The following LMF1 variants were observed in gnomAD, a reference collection of about 807,000 sequenced individuals.
The protein encoded by LMF1 is lipase maturation factor 1, also known as transmembrane protein 112.
LMF1 carries 68 observed loss-of-function variants against 60.6 expected under a neutral mutation model. The observed-to-expected ratio is 1.12, with a 90% CI of 0.92 to 1.37. The LOEUF (loss-of-function observed/expected upper bound fraction) is 1.37, where lower values mean the gene tolerates loss of function less well. Among genes scored for constraint, LMF1 ranks in the 40% most tolerant of loss-of-function variants. The probability of loss-of-function intolerance (pLI) is 0.00; values close to 1 mark genes in which losing one functional copy is unlikely to be tolerated. For missense variants in LMF1, 948 were observed against 767.2 expected, an observed-to-expected ratio of 1.24 and a Z score of -2.78; for synonymous variants, 418 against 324.7, an observed-to-expected ratio of 1.29 and a Z score of -3.09.
intron 4 of LMF1, chr16:893,460 G>C (rs572334687): frequency 2.1e-4 from 94 of 452,944 alleles, no homozygotes; most frequent in African/African-American, 1.8e-3. Context: ...AGTGCCTCCA[G>C]GATGAGCCCA....
upstream of LMF1, chr16:971,136 T>C: frequency 1.4e-6 from 1 of 717,262 alleles, no homozygotes; most frequent in Non-Finnish European, 2.0e-6. Flanking sequence ...CACCGCCCCC[T>C]CCAGCCGGCC....
chr16:899,850 A>G (rs551401272), intron 4 of LMF1: 1 of 152,012 alleles, frequency 6.6e-6, no homozygotes, highest in Non-Finnish European at 1.5e-5. Context: ...CTTCCTTCCG[A>G]CCCCACGAGG....
chr16:923,301 G>C (rs1293570868), intron 3 of LMF1, among the ~76,000 whole-genome samples: 1 of 152,126 alleles, frequency 6.6e-6, no homozygotes, highest in Non-Finnish European at 1.5e-5. Flanking sequence ...GGCCTACGAG[G>C]GTCCCCAGCT....
intron 3 of LMF1, among the ~76,000 whole-genome samples, chr16:925,887 G>A (rs550807314): frequency 6.6e-6 from 1 of 152,390 alleles, no homozygotes; most frequent in African/African-American, 2.4e-5. Context: ...TCCTGTATGT[G>A]CATCTGCATG....
intron 5 of LMF1, among the ~76,000 whole-genome samples, chr16:886,351 A>T (rs2070305950): frequency 6.6e-6 from 1 of 152,132 alleles, no homozygotes; most frequent in South Asian, 2.1e-4. Flanking sequence ...TGTCCCTGGC[A>T]AGAGGACCCC....
At chr16:938,188 T>G (rs1483701887) in intron 2 of LMF1, among the ~76,000 whole-genome samples, 2 of 152,336 alleles carry the variant, frequency 1.3e-5, no homozygotes, top group East Asian at 3.9e-4. Context: ...CAGCTAGCAC[T>G]GGCAAGGCCG....
At chr16:861,786 C>T (rs924912695) in intron 10 of LMF1, among the ~76,000 whole-genome samples, 18 of 152,278 alleles carry the variant, frequency 1.2e-4, no homozygotes, top group African/African-American at 4.1e-4. Context: ...CCTTGTCCTG[C>T]GTACTGCAGT....
At chr16:881,553 G>A (rs937883882) in intron 5 of LMF1, 13 of 152,186 alleles carry the variant, frequency 8.5e-5, no homozygotes, top group African/African-American at 3.1e-4. Flanking sequence ...AGAGTGAAGG[G>A]GATGACACCT....
At chr16:872,378 G>A (rs149690406) in intron 6 of LMF1, 5 of 152,242 alleles carry the variant, frequency 3.3e-5, no homozygotes, top group African/African-American at 1.2e-4. Context: ...CAGTGTTATG[G>A]GCGATGATGG....
At chr16:972,576 G>A (rs72769443), upstream of LMF1, among the ~76,000 whole-genome samples, 3,986 of 152,300 alleles carry the variant, frequency 0.026, 116 homozygotes, top group African/African-American at 0.073. Context: ...CCTGCAGAGC[G>A]GGCCCTGTCT....
chr16:886,288 C>T (rs538403376), intron 5 of LMF1, among the ~76,000 whole-genome samples: 3 of 152,148 alleles, frequency 2.0e-5, no homozygotes, highest in Non-Finnish European at 4.4e-5. Flanking sequence ...GGTAGAACAG[C>T]CGTGAGCACT....
chr16:913,620 A>G (rs1033416962), intron 3 of LMF1, among the ~76,000 whole-genome samples: 2 of 152,252 alleles, frequency 1.3e-5, no homozygotes, highest in South Asian at 2.1e-4. Context: ...GCAGATCCAC[A>G]GCCAGGCTGG....
chr16:950,365 G>A (rs1249084032), intron 2 of LMF1, among the ~76,000 whole-genome samples: 1 of 112,540 alleles, frequency 8.9e-6, no homozygotes, highest in Non-Finnish European at 1.7e-5. Flanking sequence ...GACAGAGTCA[G>A]GCCAACGACA....
intron 5 of LMF1, among the ~76,000 whole-genome samples, chr16:885,435 G>C (rs1277436166): frequency 6.6e-6 from 1 of 152,170 alleles, no homozygotes; most frequent in Non-Finnish European, 1.5e-5. Context: ...CCCAGATAAA[G>C]GGCAGGACTT....
At position 870,021 on chromosome 16, in the gene LMF1, G is replaced by C; in HGVS notation, c.1278C>G (p.Ser426Arg). The C allele has an allele frequency of 6.2e-7, 1 of 1,612,494 alleles. No homozygotes were observed. Among genetic ancestry groups the C allele is most frequent in the South Asian group, 1.1e-5 (1 of 91,076 alleles). The change falls in exon 9 of 11, where the codon AGC becomes AGG. Residue 426 changes from serine (S) to arginine (R), a missense_variant. Physicochemically the swap from Ser to Arg is moderately radical, Grantham distance 110. Transcript: ENST00000262301. Reference sequence around the variant, plus strand: ...TGGCATCGGGGGCGCTGGCGTTGGAGCTGGCTGTGCCCTGCAGGATCACCT... The same window carrying C: ...TGGCATCGGGGGCGCTGGCGTTGGACCTGGCTGTGCCCTGCAGGATCACCT... ...RAEVILQGTA[S>R]SNASAPDAMW...
At chr16:958,024 T>G (rs2072744354) in intron 1 of LMF1, among the ~76,000 whole-genome samples, 1 of 152,212 alleles carries the variant, frequency 6.6e-6, no homozygotes, top group African/African-American at 2.4e-5. Context: ...ACAATCATGT[T>G]GGAACAGATG....
chr16:949,357 A>ACAATGACAGAGTCAGC (rs1165025186), intron 2 of LMF1, among the ~76,000 whole-genome samples: 1 of 150,070 alleles, frequency 6.7e-6, no homozygotes, highest in Admixed American at 6.6e-5. Flanking sequence ...AGAGTCAGAG[A>ACAATGACAGAGTCAGC]CAATGACAGA....
intron 3 of LMF1, among the ~76,000 whole-genome samples, chr16:915,109 G>C (rs2151760131): frequency 6.6e-6 from 1 of 152,306 alleles, no homozygotes; most frequent in Middle Eastern, 3.4e-3. Flanking sequence ...TGGGCTACTT[G>C]TTTTAATACC....
In LMF1 at chr16:965,815, A is replaced by G. The variant is rs544061398; in HGVS notation, c.193+4973T>C. 2.3e-4 allele frequency among the ~76,000 whole-genome samples: 35 copies of G among 152,270 alleles called. No individual in the cohort carries two copies. In the South Asian group the frequency reaches 7.0e-3, roughly 31 times the overall value. ...GGGGAAAGAAGGGGTAATGGCTGGA[A>G]AAGTGTCCCATGCTGACACTAAGCC... On this transcript the variant is annotated intron_variant, in intron 1 of 10. Transcript: ENST00000262301.
Sources: allele counts gnomAD v4.1 joint callset (sites outside exome capture counted in the v4.1 genomes callset), GRCh38; gene constraint gnomAD v4.1.1; transcripts MANE v1.5; gene names NCBI Gene and HGNC (gene_info 2026-07-23, HGNC 2026-07-21).